KALRN: variants seen among roughly 807,000 people sequenced by gnomAD.
KALRN encodes kalirin RhoGEF kinase, also known as kalirin.
Under a neutral mutation model 353.7 loss-of-function variants are expected in KALRN, and 70 were observed. The ratio of observed to expected loss-of-function variants is 0.20; its 90% CI spans 0.16 to 0.24. The LOEUF is 0.24. KALRN is among the 10% of genes least tolerant of loss of function. The pLI, the probability that KALRN is intolerant of heterozygous loss-of-function variation, is 1.00. For missense variants in KALRN, 2,791 were observed against 3,756.7 expected, an observed-to-expected ratio of 0.74 and a Z score of 6.72; for synonymous variants, 1,391 against 1,434.8, an observed-to-expected ratio of 0.97 and a Z score of 0.69.
chr3:124,655,332 A>T (rs2083892376), intron 38 of KALRN, among the ~76,000 whole-genome samples: 1 of 152,204 alleles, frequency 6.6e-6, no homozygotes, highest in Non-Finnish European at 1.5e-5. Context: ...CATGAAGAAT[A>T]GAAAGAAGAA....
intron 43 of KALRN, 45 bp from the exon 44 acceptor site, chr3:124,660,878 A>AT: frequency 7.2e-7 from 1 of 1,388,372 alleles, no homozygotes; most frequent in East Asian, 2.3e-5. Flanking sequence ...TATTTTACTA[A>AT]TTTTACCCCT....
At chr3:124,482,934 G>A (rs1055944816) in intron 28 of KALRN, 34 bp downstream of exon 28, 5 of 1,406,814 alleles carry the variant, frequency 3.6e-6, no homozygotes, top group African/African-American at 2.8e-5. Flanking sequence ...CCCCTCCACT[G>A]CCTACTGCCT....
rs553358465 is a variant in KALRN at position 124,554,333 on chromosome 3, C to T, written c.4936-8510C>T. On this transcript the variant is annotated intron_variant, in intron 33 of 59. Transcript: ENST00000682506. The stretch of plus-strand genomic sequence containing the variant: ...GAATTAAGTTGGGGTTTTTAGTAGG[C>T]TACATGCTCAAAGGAAGCCAGCAGC... Among the ~76,000 whole-genome samples, 66 of 152,318 alleles carry T rather than the reference C, an allele frequency of 4.3e-4. 1 individual carries two copies. In the South Asian group the frequency reaches 0.013, roughly 29 times the overall value.
chr3:124,096,312 C>T (rs1253740744), intron 1 of KALRN: 1 of 152,186 alleles, frequency 6.6e-6, no homozygotes, highest in East Asian at 1.9e-4. Flanking sequence ...AATACTTATC[C>T]CAGTGCATGG....
At chr3:124,494,730 C>A (rs2063525411) in intron 32 of KALRN, among the ~76,000 whole-genome samples, 1 of 152,202 alleles carries the variant, frequency 6.6e-6, no homozygotes, top group Non-Finnish European at 1.5e-5. Flanking sequence ...TGGGTACTTG[C>A]ATACACACAC....
intron 34 of KALRN, among the ~76,000 whole-genome samples, chr3:124,592,309 CAAAAAAAAA>C (rs10575664): frequency 8.3e-6 from 1 of 120,646 alleles, no homozygotes; most frequent in African/African-American, 3.1e-5. Flanking sequence ...CTCAAAGAAA[CAAAAAAAAA>C]AAAAAAAAAA....
intron 12 of KALRN, among the ~76,000 whole-genome samples, chr3:124,396,462 A>G (rs1020574498): frequency 6.6e-6 from 1 of 152,178 alleles, no homozygotes; most frequent in Non-Finnish European, 1.5e-5. Context: ...AATACATGAC[A>G]GCTTTGTGTG....
intron 34 of KALRN, among the ~76,000 whole-genome samples, chr3:124,622,929 C>CA (rs2079444465): frequency 7.5e-6 from 1 of 133,740 alleles, no homozygotes; most frequent in African/African-American, 3.1e-5. Context: ...AGGGGAGTAG[C>CA]ATTTTTTTTA....
chr3:124,134,397 C>T (rs949752825), intron 1 of KALRN, among the ~76,000 whole-genome samples: 3 of 152,166 alleles, frequency 2.0e-5, no homozygotes, highest in African/African-American at 7.2e-5. Context: ...GGATTAAAGA[C>T]TTAAGACCTG....
chr3:124,589,024 T>A (rs1213455935), intron 34 of KALRN, among the ~76,000 whole-genome samples: 1 of 152,186 alleles, frequency 6.6e-6, no homozygotes, highest in Non-Finnish European at 1.5e-5. Context: ...TGATTCTTTC[T>A]TTACTTGGGT....
chr3:124,677,912 T>C (rs371581391), intron 49 of KALRN, among the ~76,000 whole-genome samples: 4 of 152,156 alleles, frequency 2.6e-5, no homozygotes, highest in African/African-American at 4.8e-5. Flanking sequence ...CAAACTCCCT[T>C]ATTAGAGTTT....
At chr3:124,154,614 A>C (rs1320171872) in intron 1 of KALRN, among the ~76,000 whole-genome samples, 5 of 152,370 alleles carry the variant, frequency 3.3e-5, no homozygotes, top group Middle Eastern at 3.4e-3. Flanking sequence ...ATAAAAGAGG[A>C]TACAAGCAAA....
intron 6 of KALRN, among the ~76,000 whole-genome samples, chr3:124,318,703 A>G (rs1277017078): frequency 6.6e-6 from 1 of 152,216 alleles, no homozygotes; most frequent in Non-Finnish European, 1.5e-5. Flanking sequence ...AATATCTCCA[A>G]ATACTATTCC....
chr3:124,458,236 A>G (rs992885771), intron 23 of KALRN, among the ~76,000 whole-genome samples: 6 of 139,864 alleles, frequency 4.3e-5, no homozygotes, highest in African/African-American at 1.6e-4. Context: ...AGATCACGCC[A>G]CTGCACTCCA....
At chr3:124,056,921 C>G (rs1012697124) in intron 1 of KALRN, among the ~76,000 whole-genome samples, 2 of 152,184 alleles carry the variant, frequency 1.3e-5, no homozygotes, top group African/African-American at 4.8e-5. Context: ...GATTTGTTTC[C>G]TCTCTTAGTC....
chr3:124,712,346 G>A (rs2062931508), intron 57 of KALRN, among the ~76,000 whole-genome samples: 1 of 152,088 alleles, frequency 6.6e-6, no homozygotes, highest in South Asian at 2.1e-4. Context: ...TAATAAAAAT[G>A]TTTTTAAAAT....
intron 17 of KALRN, among the ~76,000 whole-genome samples, chr3:124,434,902 G>A (rs545761245): frequency 6.6e-6 from 1 of 152,296 alleles, no homozygotes; most frequent in African/African-American, 2.4e-5. Context: ...TTTCTTAAGT[G>A]TCTTAGGTTC....
At chr3:124,165,791 A>C (rs1261073366) in intron 1 of KALRN, among the ~76,000 whole-genome samples, 1 of 152,078 alleles carries the variant, frequency 6.6e-6, no homozygotes, top group Admixed American at 6.5e-5. Flanking sequence ...CTTAATGCCC[A>C]CCCCTTCCAA....
intron 11 of KALRN, among the ~76,000 whole-genome samples, chr3:124,391,594 A>G (rs1026597396): frequency 6.6e-6 from 1 of 152,230 alleles, no homozygotes; most frequent in Non-Finnish European, 1.5e-5. Flanking sequence ...AGGGACATAC[A>G]TAGAGGAAAC....
Sources: allele counts gnomAD v4.1 joint callset (sites outside exome capture counted in the v4.1 genomes callset), GRCh38; gene constraint gnomAD v4.1.1; transcripts MANE v1.5; gene names NCBI Gene and HGNC (gene_info 2026-07-23, HGNC 2026-07-21).